The following SETD3 variants were observed in gnomAD, a reference collection of about 807,000 sequenced individuals.
The protein encoded by SETD3 is SET domain containing 3, actin N3(tau)-histidine methyltransferase.
In SETD3, 19 loss-of-function variants were observed where a neutral mutation model predicts 63.0. That is an observed-to-expected ratio of 0.30 (90% CI 0.21 to 0.44). SETD3 has a LOEUF of 0.44. Ranked by LOEUF, SETD3 falls within the 20% of genes least tolerant of loss-of-function variation. The pLI is 1.00. For synonymous variants in SETD3, 286 were observed against 264.1 expected (o/e 1.08, Z -0.80); for missense variants, 587 against 728.5 (o/e 0.81, Z 2.24).
chr14:99,407,099 A>G (rs1342446681), intron 8 of SETD3, among the ~76,000 whole-genome samples: 1 of 152,254 alleles, frequency 6.6e-6, no homozygotes, highest in African/African-American at 2.4e-5. Context: ...TTATGGATAT[A>G]TGCTCTGAAT....
the SETD3 span, among the ~76,000 whole-genome samples, chr14:99,486,196 A>G: frequency 5.9e-5 from 9 of 152,322 alleles, no homozygotes; most frequent in South Asian, 1.7e-3. Flanking sequence ...TCTCTGGTTT[A>G]AAGCTGACAT....
Position 99,398,766 on chromosome 14 carries a change from T to A in SETD3, c.1698A>T (p.Glu566Asp). The change falls in exon 13 of 13, where the codon GAA (glutamate) becomes GAT (aspartate). Residue 566 changes from glutamate (E) to aspartate (D), a missense_variant. Transcript: ENST00000331768. ...TACTTTCTTGATTGAGACTTTCATT[T>A]TCGGACCTGGTCCCATTAGGGATAG... ...ENSIPNGTRS[E>D]NESLNQESKR... is the part of the protein sequence containing the mutation. 1 of 1,614,234 alleles carries A rather than the reference T, an allele frequency of 6.2e-7. No homozygotes were observed. The highest frequency in any genetic ancestry group is 8.5e-7 in the Non-Finnish European group (1 of 1,180,038).
chr14:99,421,376 G>A (rs892369393), intron 6 of SETD3, among the ~76,000 whole-genome samples: 9 of 151,468 alleles, frequency 5.9e-5, no homozygotes, highest in African/African-American at 1.9e-4. Context: ...GGATAACTAC[G>A]TTGGACTCTG....
intron 6 of SETD3, among the ~76,000 whole-genome samples, chr14:99,440,352 G>A (rs1298177031): frequency 6.6e-6 from 1 of 152,238 alleles, no homozygotes; most frequent in Non-Finnish European, 1.5e-5. Flanking sequence ...AACACAGGTG[G>A]GCCTAAAAGT....
chr14:99,444,485 A>G (rs1049768808), intron 6 of SETD3: 2 of 152,202 alleles, frequency 1.3e-5, no homozygotes, highest in African/African-American at 4.8e-5. Flanking sequence ...AGGATACTGA[A>G]CATTCCCAAC....
At chr14:99,406,416 T>G (rs879047620) in intron 9 of SETD3, 100 bp downstream of exon 9, 2 of 1,081,198 alleles carry the variant, frequency 1.8e-6, no homozygotes, top group African/African-American at 1.6e-5. Flanking sequence ...AATTCCACAT[T>G]TTTTCCCCTA....
At chr14:99,399,364 G>A (rs917545227) in intron 12 of SETD3, among the ~76,000 whole-genome samples, 1 of 152,162 alleles carries the variant, frequency 6.6e-6, no homozygotes, top group Admixed American at 6.5e-5. Context: ...AAACAAGAAA[G>A]AACAGCCTAA....
upstream of SETD3, among the ~76,000 whole-genome samples, chr14:99,484,043 TA>T (rs957766345): frequency 6.6e-6 from 1 of 152,150 alleles, no homozygotes; most frequent in East Asian, 1.9e-4. Context: ...TCAAAAAAAA[TA>T]AAAAATAAAT....
chr14:99,476,946 A>AT (rs1315173686), intron 1 of SETD3, among the ~76,000 whole-genome samples: 1 of 151,984 alleles, frequency 6.6e-6, no homozygotes, highest in South Asian at 2.1e-4. Context: ...TCTCTAGACA[A>AT]TTTTTTTTGT....
intron 6 of SETD3, among the ~76,000 whole-genome samples, chr14:99,423,180 T>G (rs1409573438): frequency 6.6e-6 from 1 of 152,146 alleles, no homozygotes; most frequent in Non-Finnish European, 1.5e-5. Context: ...GTAACAAAAC[T>G]TCTTTGTTTA....
rs1566869064 is a variant in SETD3 at position 99,399,741 on chromosome 14, A to AATTTTTTTTTTTTTTTTTTT, written c.1338+357_1338+358insAAAAAAAAAAAAAAAAAAAT. ...GAATTAACAAGAAATCTTTCATTAA[A>AATTTTTTTTTTTTTTTTTTT]TTTTTTTTTTTTTTTTTTTTTTTTT... On this transcript the variant is annotated intron_variant, in intron 12 of 12. Coordinates refer to ENST00000331768, the MANE Select transcript of SETD3 (RefSeq NM_032233.3). 6.3e-5 allele frequency among the ~76,000 whole-genome samples: 8 copies of AATTTTTTTTTTTTTTTTTTT among 127,728 alleles called. 4 individuals are homozygous for AATTTTTTTTTTTTTTTTTTT. Among genetic ancestry groups the AATTTTTTTTTTTTTTTTTTT allele is most frequent in the Non-Finnish European group, 6.5e-5 (4 of 61,422 alleles). 83.8% of individuals were successfully genotyped at this position (127,728 alleles called of 152,430 possible). A position where few individuals can be genotyped will look rare whatever the true frequency, so the allele number is the denominator to read the frequency against.
chr14:99,482,882 G>A (rs901651676), upstream of SETD3, among the ~76,000 whole-genome samples: 19 of 152,104 alleles, frequency 1.2e-4, no homozygotes, highest in African/African-American at 4.3e-4. Flanking sequence ...CTGAAAGGGA[G>A]GACAGTGTTT....
intron 10 of SETD3, 99 bp downstream of exon 10, chr14:99,405,106 T>C (rs1891608478): frequency 6.8e-7 from 1 of 1,471,866 alleles, no homozygotes; most frequent in Admixed American, 2.3e-5. Context: ...TAAGACAAAC[T>C]ACTGGAGAGA....
intron 6 of SETD3, among the ~76,000 whole-genome samples, chr14:99,442,642 TTAA>T (rs1211953447): frequency 6.6e-6 from 1 of 152,264 alleles, no homozygotes; most frequent in Non-Finnish European, 1.5e-5. Context: ...TATGATTTTC[TTAA>T]TAATGTTTTC....
intron 6 of SETD3, among the ~76,000 whole-genome samples, chr14:99,441,123 T>G (rs1893785698): frequency 6.6e-6 from 1 of 152,208 alleles, no homozygotes; most frequent in Non-Finnish European, 1.5e-5. Flanking sequence ...GACAAAAGTG[T>G]CTAACAGGGA....
At chr14:99,406,198 G>GT (rs5810948) in intron 9 of SETD3, among the ~76,000 whole-genome samples, 10,384 of 152,168 alleles carry the variant, frequency 0.068, 1,181 homozygotes, top group African/African-American at 0.24. Flanking sequence ...GTTAAACATT[G>GT]TTTAGTGTCA....
At chr14:99,458,111 T>C (rs1436188959) in intron 6 of SETD3, among the ~76,000 whole-genome samples, 168 bp downstream of exon 6, 8 of 152,242 alleles carry the variant, frequency 5.3e-5, no homozygotes, top group Non-Finnish European at 7.3e-5. Flanking sequence ...CCGCATTTCA[T>C]TGATATTTCT....
At chr14:99,463,227 T>C (rs1188879742) in intron 3 of SETD3, among the ~76,000 whole-genome samples, 1 of 152,208 alleles carries the variant, frequency 6.6e-6, no homozygotes, top group East Asian at 1.9e-4. Flanking sequence ...TAAATAAAAT[T>C]GTATCATTTT....
At position 99,463,531 on chromosome 14, in the gene SETD3, C is replaced by T. The variant is rs769606120; in HGVS notation, c.151G>A (p.Val51Met). Residue 51 changes from valine (V) to methionine (M), a missense_variant, in exon 3 of 13, where the codon GTG becomes ATG. Val to Met is a conservative substitution (Grantham distance 21, BLOSUM62 1). Transcript: ENST00000331768. ...PGPGKEWEEY[V>M]QIRTLVEKIR... Reference sequence around the variant, plus strand: ...TTCTCAACCAGAGTCCGGATCTGCACATACTCTTCCCACTCTTTTCCTGGG... The same window carrying T: ...TTCTCAACCAGAGTCCGGATCTGCATATACTCTTCCCACTCTTTTCCTGGG... 20 of 1,614,004 alleles carry T rather than the reference C, an allele frequency of 1.2e-5. No individual in the cohort carries two copies. The highest frequency in any genetic ancestry group is 1.6e-5 in the Non-Finnish European group (19 of 1,180,038).
Sources: allele counts gnomAD v4.1 joint callset (sites outside exome capture counted in the v4.1 genomes callset), GRCh38; gene constraint gnomAD v4.1.1; transcripts MANE v1.5; gene names NCBI Gene and HGNC (gene_info 2026-07-23, HGNC 2026-07-21).